Variants in THADA observed in about 807,000 individuals in gnomAD.
THADA encodes the protein tRNA (32-2'-O)-methyltransferase regulator THADA.
Under a neutral mutation model 219.8 loss-of-function variants are expected in THADA, and 213 were observed. That is an observed-to-expected ratio of 0.97 (90% CI 0.87 to 1.09). The LOEUF (loss-of-function observed/expected upper bound fraction) is 1.09, where lower values mean the gene tolerates loss of function less well. Ranked by LOEUF, THADA falls within the 50% of genes least tolerant of loss-of-function variation. The pLI is 0.00. For synonymous variants in THADA, 1,018 were observed against 828.9 expected, an observed-to-expected ratio of 1.23 and a Z score of -3.92; for missense variants, 2,956 against 2,311.3, an observed-to-expected ratio of 1.28 and a Z score of -5.72.
chr2:43,553,513 T>C lies in THADA; in HGVS notation c.2675-1174A>G, dbSNP rs1696996805. Among the ~76,000 whole-genome samples the C allele has an allele frequency of 2.0e-5, 3 of 152,106 alleles. No homozygotes were observed. In the South Asian group the frequency reaches 6.2e-4, roughly 32 times the overall value. On this transcript the variant is annotated intron_variant, in intron 17 of 37. Transcript: ENST00000405975. ...CTGAGAGTCAAAAAGAGGCCCCTTA[T>C]CAGGAGCTGGAAACTTGATATTGGA...
chr2:43,504,686 C>A lies in THADA; in HGVS notation c.3621+936G>T, dbSNP rs540598813. On this transcript the variant is annotated intron_variant, in intron 24 of 37. Coordinates refer to ENST00000405975, the MANE Select transcript of THADA (RefSeq NM_022065.5). ...CTGAGGTCAGGAGTTCGAGACCAAC[C>A]TGGCCAACAGGTGATTGGGCCTGGT... 1.1e-4 allele frequency among the ~76,000 whole-genome samples: 16 copies of A among 152,282 alleles called. No individual in the cohort carries two copies. The South Asian group carries it at 2.5e-3, about 24-fold the overall frequency.
chr2:43,540,414 C>T (rs1030784806), intron 21 of THADA, among the ~76,000 whole-genome samples: 2 of 152,122 alleles, frequency 1.3e-5, no homozygotes, highest in Admixed American at 6.6e-5. Flanking sequence ...AAATAATCAG[C>T]ATTAGCATAC....
At position 43,398,100 on chromosome 2, in the gene THADA, T is replaced by C. The variant is rs1674317050; in HGVS notation, c.4098A>G (p.Ala1366=). The change falls in exon 29 of 38, where the codon GCA becomes GCG. Residue 1366 remains alanine (A), a synonymous_variant. Coordinates refer to ENST00000405975, the MANE Select transcript of THADA (RefSeq NM_022065.5). ...HSPVYHSREM[A]ARALVPFVMI... ...TAACAAATGGGACCAAGGCACGAGC[T>C]GCCATTTCACGGGAGTGGTAGACAG... 2 of 1,613,822 alleles carry C rather than the reference T, an allele frequency of 1.2e-6. No individual in the cohort carries two copies. The highest frequency in any genetic ancestry group is 3.3e-5 in the Admixed American group (2 of 60,004).
At chr2:43,309,971 A>G (rs1677301579) in intron 31 of THADA, among the ~76,000 whole-genome samples, 1 of 152,252 alleles carries the variant, frequency 6.6e-6, no homozygotes, top group Non-Finnish European at 1.5e-5. Context: ...TTATAACAGC[A>G]TCAAAAAGAA....
chr2:43,502,413 C>T (rs572143069), intron 24 of THADA, among the ~76,000 whole-genome samples: 9 of 152,014 alleles, frequency 5.9e-5, no homozygotes, highest in East Asian at 5.8e-4. Context: ...GGCAAAACCT[C>T]GTCTCTACTA....
chr2:43,233,162 C>T lies in THADA; in HGVS notation c.5297-280G>A, dbSNP rs1667641141. On this transcript the variant is annotated intron_variant, in intron 36 of 37. Transcript: ENST00000405975. ...CATCTGCAGGATTAGAGAGTTATCTCCCCTCTGCTCCTCCAGTGTCACCAG... is the reference window on the plus strand; with the variant it reads ...CATCTGCAGGATTAGAGAGTTATCTTCCCTCTGCTCCTCCAGTGTCACCAG... The T allele has an allele frequency of 7.9e-6, 3 of 378,762 alleles. 1 individual carries two copies. The South Asian group carries it at 1.3e-4, about 16-fold the overall frequency. 23.5% of individuals were successfully genotyped at this position (378,762 alleles called of 1,614,324 possible). A position where few individuals can be genotyped will look rare whatever the true frequency, so the allele number is the denominator to read the frequency against.
At chr2:43,498,979 G>C (rs758692526) in intron 24 of THADA, 24 bp from the exon 25 acceptor site, 3 of 1,550,248 alleles carry the variant, frequency 1.9e-6, no homozygotes, top group Admixed American at 2.0e-5. Context: ...TTCAAAATTA[G>C]TTGTGGGTTG....
intron 26 of THADA, among the ~76,000 whole-genome samples, chr2:43,465,634 C>T (rs920954601): frequency 2.0e-5 from 3 of 152,134 alleles, no homozygotes; most frequent in Non-Finnish European, 4.4e-5. Context: ...GCTGAGGGAT[C>T]CTCATCCTTC....
chr2:43,512,786 G>A (rs1182635684), intron 22 of THADA, among the ~76,000 whole-genome samples: 1 of 152,218 alleles, frequency 6.6e-6, no homozygotes, highest in Non-Finnish European at 1.5e-5. Context: ...ACAGGCGTGA[G>A]CCACCGCACC....
intron 27 of THADA, 30 bp from the exon 28 acceptor site, chr2:43,428,261 T>C (rs866755535): frequency 6.4e-7 from 1 of 1,561,296 alleles, no homozygotes. Flanking sequence ...ACATGAAAGA[T>C]TTCACATTTA....
At chr2:43,331,100 C>G (rs1232941186) in intron 30 of THADA, among the ~76,000 whole-genome samples, 1 of 152,206 alleles carries the variant, frequency 6.6e-6, no homozygotes, top group Non-Finnish European at 1.5e-5. Flanking sequence ...CCAGTTTAGA[C>G]CATATTGAAA....
intron 16 of THADA, among the ~76,000 whole-genome samples, chr2:43,557,973 A>C (rs1558968849): frequency 6.6e-6 from 1 of 152,266 alleles, no homozygotes; most frequent in Non-Finnish European, 1.5e-5. Flanking sequence ...GTAGTGGCCA[A>C]AGTTCAAGTT....
At chr2:43,291,540 G>A (rs1353831584) in intron 34 of THADA, among the ~76,000 whole-genome samples, 156 bp downstream of exon 34, 8 of 146,034 alleles carry the variant, frequency 5.5e-5, no homozygotes, top group African/African-American at 7.7e-5. Context: ...AGTTATACTC[G>A]AATTGAAAAA....
chr2:43,556,222 T>C (rs557532784), intron 17 of THADA, 123 bp downstream of exon 17: 7 of 1,501,822 alleles, frequency 4.7e-6, no homozygotes, highest in Non-Finnish European at 5.3e-6. Flanking sequence ...CATGGTGCTC[T>C]TATATGCTGA....
intron 7 of THADA, among the ~76,000 whole-genome samples, chr2:43,582,835 C>CT (rs1169437475): frequency 3.3e-5 from 5 of 152,062 alleles, no homozygotes; most frequent in South Asian, 4.1e-4. Context: ...TCCCAAAGTG[C>CT]TGAGATTACA....
chr2:43,250,392 C>T (rs989168117), intron 36 of THADA, among the ~76,000 whole-genome samples: 3 of 152,038 alleles, frequency 2.0e-5, no homozygotes, highest in Non-Finnish European at 2.9e-5. Flanking sequence ...TGCCAGAGGC[C>T]AGGGGATAGT....
intron 22 of THADA, among the ~76,000 whole-genome samples, chr2:43,519,810 G>A (rs1026263907): frequency 2.0e-5 from 3 of 152,192 alleles, no homozygotes; most frequent in African/African-American, 7.2e-5. Context: ...TGACAAACCA[G>A]GTATAAAAAG....
chr2:43,304,079 C>T (rs535139493), intron 31 of THADA, among the ~76,000 whole-genome samples: 1 of 152,210 alleles, frequency 6.6e-6, no homozygotes, highest in East Asian at 1.9e-4. Context: ...TTTTTGTACA[C>T]CATGGCCCTT....
intron 14 of THADA, among the ~76,000 whole-genome samples, chr2:43,567,918 AG>A (rs1558987934): frequency 6.6e-6 from 1 of 152,190 alleles, no homozygotes; most frequent in East Asian, 1.9e-4. Flanking sequence ...CCATTACTCA[AG>A]TCCTCCATTC....
Sources: gnomAD v4.1 joint callset for allele counts (sites outside exome capture counted in the v4.1 genomes callset) on GRCh38, gnomAD v4.1.1 for gene constraint, MANE v1.5 for transcripts, NCBI Gene and HGNC (gene_info 2026-07-23, HGNC 2026-07-21) for gene names.